PKN3: variants seen among roughly 807,000 people sequenced by gnomAD.
The protein encoded by PKN3 is serine/threonine-protein kinase N3.
Under a neutral mutation model 113.1 loss-of-function variants are expected in PKN3, and 91 were observed. The ratio of observed to expected loss-of-function variants is 0.80; its 90% CI spans 0.68 to 0.96. The LOEUF is 0.96. Among genes scored for constraint, PKN3 ranks in the 40% least tolerant of loss-of-function variants. The pLI is 0.00. For missense variants in PKN3, 1,052 were observed against 1,202.2 expected (o/e 0.88, Z 1.85); for synonymous variants, 467 against 499.0 (o/e 0.94, Z 0.85).
rs1164288422 is a variant in PKN3 at position 128,720,704 on chromosome 9, G to A, written c.*98G>A. 7 of 1,052,074 alleles carry A rather than the reference G, an allele frequency of 6.7e-6. No individual in the cohort carries two copies. The highest frequency in any genetic ancestry group is 6.0e-5 in the South Asian group (4 of 66,430). 65.2% of individuals were successfully genotyped at this position (1,052,074 alleles called of 1,614,324 possible). ...TGCCTGGAGGTCCAGGCCTTGCTGG[G>A]TACTTCTGAGCCCTTGGGATTCAAA... On this transcript the variant is annotated 3_prime_UTR_variant, in exon 22 of 22. Transcript: ENST00000291906. This position sits in a 1 kb window ranked among gnomAD's most constrained non-coding sequence, Gnocchi z 5.5.
At position 128,706,960 on chromosome 9, in the gene PKN3, C is replaced by A. The variant is rs375139834; in HGVS notation, c.588C>A (p.Gly196=). Reference sequence around the variant, plus strand: ...ACGTTGAGGCAGCTGTGGCTGAGGGCGCCAAGAACGTGGTGAAACTGCTTA... The same window carrying A: ...ACGTTGAGGCAGCTGTGGCTGAGGGAGCCAAGAACGTGGTGAAACTGCTTA... ...RLHVEAAVAE[G]AKNVVKLLSS... The change falls in exon 5 of 22, where the codon GGC becomes GGA. Residue 196 remains glycine (G), a synonymous_variant. Transcript: ENST00000291906. 1 of 1,614,040 alleles carries A rather than the reference C, an allele frequency of 6.2e-7. No individual in the cohort carries two copies. The highest frequency in any genetic ancestry group is 8.5e-7 in the Non-Finnish European group (1 of 1,180,016).
Position 128,719,786 on chromosome 9 carries a change from G to A in PKN3, c.2226G>A (p.Trp742Ter). 1.2e-6 allele frequency: 2 copies of A among 1,608,096 alleles called. No individual in the cohort carries two copies. The highest frequency in any genetic ancestry group is 1.7e-6 in the Non-Finnish European group (2 of 1,176,524). ...TQEAYTRAVD[W>*]WGLGVLLYEM... Reference sequence around the variant, plus strand: ...AGGCATACACACGGGCTGTGGACTGGTGGGGGCTGGGTGTGCTGCTCTACG... The same window carrying A: ...AGGCATACACACGGGCTGTGGACTGATGGGGGCTGGGTGTGCTGCTCTACG... The change falls in exon 19 of 22, where the codon TGG becomes TGA. Residue 742 changes from tryptophan to a stop codon, truncating the protein, a stop_gained. Transcript: ENST00000291906. LOFTEE classifies it high-confidence loss of function.
intron 1 of PKN3, 43 bp from the exon 2 acceptor site, chr9:128,705,260 C>T (rs1278808450): frequency 6.5e-7 from 1 of 1,547,426 alleles, no homozygotes. Context: ...GCCGCTGCAC[C>T]CCATGGCTGT....
chr9:128,718,260 G>C, intron 16 of PKN3, 65 bp from the exon 17 acceptor site: 1 of 1,306,266 alleles, frequency 7.7e-7, no homozygotes, highest in African/African-American at 1.4e-5. Flanking sequence ...CCATCCTGGT[G>C]CCTCCCTGCC....
At chr9:128,707,933 G>A (rs1039806431) in intron 6 of PKN3, among the ~76,000 whole-genome samples, 4 of 151,634 alleles carry the variant, frequency 2.6e-5, no homozygotes, top group Admixed American at 6.6e-5. Flanking sequence ...TTAGCCGGGC[G>A]TGGTGGCGGG....
At chr9:128,716,975 C>T (rs1378526696) in intron 16 of PKN3, 52 bp downstream of exon 16, 3 of 1,480,506 alleles carry the variant, frequency 2.0e-6, no homozygotes, top group Non-Finnish European at 2.8e-6. Flanking sequence ...GCCTGGTTCC[C>T]TACACCCACT....
intron 6 of PKN3, among the ~76,000 whole-genome samples, chr9:128,710,690 C>T (rs1862150434): frequency 6.6e-6 from 1 of 152,036 alleles, no homozygotes; most frequent in East Asian, 1.9e-4. Flanking sequence ...CAGAGTTTTG[C>T]CATGTTGGCC....
chr9:128,720,121 TG>T lies in PKN3; in HGVS notation c.2377-79del. 2 of 1,533,228 alleles carry T rather than the reference TG, an allele frequency of 1.3e-6. No homozygotes were observed. Among genetic ancestry groups the T allele is most frequent in the Non-Finnish European group, 9.0e-7 (1 of 1,110,752 alleles). 95.0% of individuals were successfully genotyped at this position (1,533,228 alleles called of 1,614,324 possible). On this transcript the variant is annotated intron_variant, in intron 20 of 21. Transcript: ENST00000291906. This position sits in a 1 kb window ranked among gnomAD's most constrained non-coding sequence, Gnocchi z 5.5. ...CCTGCCACCCATCCTTAGAGCGCTC[TG>T]GGCCAGCGTGCTTGGGGCCTGTGGA...
chr9:128,713,311 G>C lies in PKN3; in HGVS notation c.1016G>C (p.Arg339Pro), dbSNP rs773500708. 6.2e-7 allele frequency: 1 copy of C among 1,614,118 alleles called. No homozygotes were observed. The highest frequency in any genetic ancestry group is 8.5e-7 in the Non-Finnish European group (1 of 1,180,018). The change falls in exon 8 of 22, where the codon CGT (arginine) becomes CCT (proline). Residue 339 changes from arginine (R) to proline (P), a missense_variant. Around this residue, in one of 2 missense-constraint regions of PKN3, gnomAD observed 719 missense variants for 759.4 expected, o/e 0.95. Coordinates refer to ENST00000291906, the MANE Select transcript of PKN3 (RefSeq NM_013355.5). ...EVLAVLKVDN[R>P]VVGQTGWGQV... ...CTGGCTGTGCTAAAGGTGGACAACCGTGTTGTGGGGCAGACGGGCTGGGGG... is the reference window on the plus strand; with the variant it reads ...CTGGCTGTGCTAAAGGTGGACAACCCTGTTGTGGGGCAGACGGGCTGGGGG...
intron 1 of PKN3, among the ~76,000 whole-genome samples, chr9:128,705,062 T>TC (rs1037914178): frequency 1.3e-5 from 2 of 151,904 alleles, no homozygotes; most frequent in African/African-American, 4.8e-5. Flanking sequence ...GTGTGAACTG[T>TC]CCCCCCCGCC....
Position 128,702,912 on chromosome 9 carries a change from C to T in PKN3, c.-4C>T, listed in dbSNP as rs1164475604. The T allele has an allele frequency of 2.0e-6, 3 of 1,480,676 alleles. No individual in the cohort carries two copies. Among genetic ancestry groups the T allele is most frequent in the Non-Finnish European group, 1.8e-6 (2 of 1,119,354 alleles). The allele number at this position is 1,480,676 out of a possible 1,614,324, so 91.7% of individuals were successfully genotyped here. On this transcript the variant is annotated 5_prime_UTR_variant, in exon 1 of 22. Coordinates refer to ENST00000291906, the MANE Select transcript of PKN3 (RefSeq NM_013355.5). ...GAAGGGCCCCAAGCGGCCGGAGCGGCGCCATGGAGGAGGGGGCGCCGCGGC... is the reference window on the plus strand; with the variant it reads ...GAAGGGCCCCAAGCGGCCGGAGCGGTGCCATGGAGGAGGGGGCGCCGCGGC...
intron 9 of PKN3, 21 bp from the exon 10 acceptor site, chr9:128,714,025 A>G (rs1475735974): frequency 1.2e-6 from 2 of 1,613,378 alleles, no homozygotes; most frequent in East Asian, 2.2e-5. Context: ...CTGGTCCACA[A>G]CCCTGCCCCT....
rs1391553097 is a variant in PKN3, at chr9:128,709,295, A to T, written c.835+1890A>T. Among the ~76,000 whole-genome samples the T allele has an allele frequency of 1.2e-3, 87 of 75,396 alleles. 3 individuals carry two copies. Among genetic ancestry groups the T allele is most frequent in the East Asian group, 3.5e-3 (9 of 2,600 alleles). The allele number at this position is 75,396 out of a possible 152,430, so 49.5% of individuals were successfully genotyped here. A position where few individuals can be genotyped will look rare whatever the true frequency, so the allele number is the denominator to read the frequency against. On this transcript the variant is annotated intron_variant, in intron 6 of 21. Coordinates refer to ENST00000291906, the MANE Select transcript of PKN3 (RefSeq NM_013355.5). ...CGAGACTCTGTCTCAAAAAAAAATA[A>T]AAAAATAAAAAAATTAGCCAGGTAT...
Position 128,719,879 on chromosome 9 carries a change from C to A in PKN3, c.2269-31C>A, listed in dbSNP as rs375302577. ...GCCTCTGGGTGGGGGTGGGGTGGCC[C>A]GTGCATCCTGCTGAGCCCCCATCTC... is the stretch of plus-strand genomic sequence containing the variant. On this transcript the variant is annotated intron_variant, in intron 19 of 21. Transcript: ENST00000291906. 2.5e-6 allele frequency: 4 copies of A among 1,610,066 alleles called. No individual in the cohort carries two copies. The African/African-American group carries it at 5.3e-5, about 22-fold the overall frequency.
intron 3 of PKN3, 72 bp downstream of exon 3, chr9:128,705,951 G>A: frequency 7.0e-7 from 1 of 1,421,262 alleles, no homozygotes; most frequent in Non-Finnish European, 9.4e-7. Context: ...CTCAGCCATT[G>A]GGCTCATAAG....
chr9:128,703,763 C>T (rs139821584), intron 1 of PKN3: 70 of 985,316 alleles, frequency 7.1e-5, no homozygotes, highest in Non-Finnish European at 6.3e-5. Context: ...CCAAGCCAGT[C>T]GTTTAGGCCG....
rs1862517579 is a variant in PKN3 at position 128,720,765 on chromosome 9, C to T, written c.*159C>T. On this transcript the variant is annotated 3_prime_UTR_variant, in exon 22 of 22. Transcript: ENST00000291906. This position sits in a 1 kb window ranked among gnomAD's most constrained non-coding sequence, Gnocchi z 5.5. The stretch of plus-strand genomic sequence containing the variant: ...TGGGGCCACTGTTGTGGGCTTTGCT[C>T]AGTGTCACTGGGCAAAGTGTGTCCC... 2 of 663,236 alleles carry T rather than the reference C, an allele frequency of 3.0e-6. No individual in the cohort carries two copies. Among genetic ancestry groups the T allele is most frequent in the Admixed American group, 2.8e-5 (1 of 36,110 alleles). The allele number at this position is 663,236 out of a possible 1,614,324, so 41.1% of individuals were successfully genotyped here. A position where few individuals can be genotyped will look rare whatever the true frequency, so the allele number is the denominator to read the frequency against.
rs202027236 is a variant in PKN3, at chr9:128,714,605, C to A, written c.1525C>A (p.Pro509Thr). Residue 509 changes from proline to threonine, a missense_variant, in exon 12 of 22, where the codon CCC becomes ACC. By Grantham distance (38) the Pro-to-Thr change is conservative (BLOSUM62 -1). This residue lies in a region of PKN3 where 719 missense variants were observed against 759.4 expected (regional missense o/e 0.95). Coordinates refer to ENST00000291906, the MANE Select transcript of PKN3 (RefSeq NM_013355.5). ...GACCCCCTTGGGTGAAGAGATGACA[C>A]CCCCACCCAAGCCCCCACGCCTCTA... Reference protein sequence around the residue: ...KKTPLGEEMTPPPKPPRLYLP... With the variant: ...KKTPLGEEMTTPPKPPRLYLP... 2.0e-5 allele frequency: 28 copies of A among 1,407,850 alleles called. No homozygotes were observed. In the East Asian group the frequency reaches 4.8e-4, roughly 24 times the overall value. The allele number at this position is 1,407,850 out of a possible 1,614,324, so 87.2% of individuals were successfully genotyped here.
rs1031260929 is a variant in PKN3 at position 128,707,086 on chromosome 9, G to T, written c.651+63G>T. 8.7e-6 allele frequency: 14 copies of T among 1,605,736 alleles called. No homozygotes were observed. The African/African-American group carries it at 1.3e-4, about 15-fold the overall frequency. On this transcript the variant is annotated intron_variant, in intron 5 of 21. Coordinates refer to ENST00000291906, the MANE Select transcript of PKN3 (RefSeq NM_013355.5). ...TGTTCCCATACCACCCTCAGCAGGGGTGTGAAGGGAGGGTGGCCGTGTAAA... is the reference window on the plus strand; with the variant it reads ...TGTTCCCATACCACCCTCAGCAGGGTTGTGAAGGGAGGGTGGCCGTGTAAA...
Sources: gnomAD v4.1 joint callset for allele counts (sites outside exome capture counted in the v4.1 genomes callset) on GRCh38, gnomAD v4.1.1 for gene constraint, gnomAD v4.1.1 regional missense constraint, Gnocchi (gnomAD v3.1) non-coding constraint, MANE v1.5 for transcripts, NCBI Gene and HGNC (gene_info 2026-07-23, HGNC 2026-07-21) for gene names.